KIF26B: variants seen among roughly 807,000 people sequenced by gnomAD.
KIF26B encodes kinesin-like protein KIF26B.
A neutral mutation model predicts 151.2 loss-of-function variants in KIF26B; 63 were observed. The ratio of observed to expected loss-of-function variants is 0.42; its 90% confidence interval spans 0.34 to 0.51. The LOEUF is 0.51. Ranked by LOEUF, KIF26B falls within the 20% of genes least tolerant of loss-of-function variation. KIF26B has a pLI of 0.07. For synonymous variants in KIF26B, 1,357 were observed against 1,262.1 expected (o/e 1.08, Z -1.59); for missense variants, 2,813 against 2,913.6 (o/e 0.97, Z 0.79).
chr1:245,290,991 A>G (rs925560906), intron 2 of KIF26B, among the ~76,000 whole-genome samples: 8 of 152,152 alleles, frequency 5.3e-5, no homozygotes, highest in Non-Finnish European at 8.8e-5. Context: ...TGGGTGTTCT[A>G]AGTAGGCCTC....
rs997844492 is a variant in KIF26B at position 245,564,318 on chromosome 1, A to G, written c.1350+23368A>G. On this transcript the variant is annotated intron_variant, in intron 5 of 14. Transcript: ENST00000407071. The surrounding 1 kb of genome is among the most constrained non-coding windows in gnomAD (Gnocchi z 4.6). Reference sequence around the variant, plus strand: ...GCAGAATGCTCTTCAGTTTGTTCCTATCTCTGCCGGGATCTATATGTTCTG... The same window carrying G: ...GCAGAATGCTCTTCAGTTTGTTCCTGTCTCTGCCGGGATCTATATGTTCTG... Among the ~76,000 whole-genome samples the G allele has an allele frequency of 1.3e-5, 2 of 152,116 alleles. No individual in the cohort carries two copies. Among genetic ancestry groups the G allele is most frequent in the Admixed American group, 6.5e-5 (1 of 15,268 alleles).
intron 5 of KIF26B, among the ~76,000 whole-genome samples, chr1:245,584,797 C>T (rs2043207447): frequency 6.6e-6 from 1 of 152,108 alleles, no homozygotes; most frequent in Non-Finnish European, 1.5e-5. Context: ...AAGAAAAATT[C>T]TTTAGCCTAT....
At chr1:245,185,644 A>G (rs1404148749) in intron 2 of KIF26B, among the ~76,000 whole-genome samples, 2 of 152,172 alleles carry the variant, frequency 1.3e-5, no homozygotes, top group African/African-American at 2.4e-5. Context: ...CTGGCAATTT[A>G]CAGACCAGCT....
intron 2 of KIF26B, among the ~76,000 whole-genome samples, chr1:245,263,911 A>AGCTTTCTCAC (rs1159782750): frequency 6.6e-6 from 1 of 152,238 alleles, no homozygotes; most frequent in Non-Finnish European, 1.5e-5. Context: ...GTGTCTGCTT[A>AGCTTTCTCAC]GCTTTCTCAC....
chr1:245,304,901 C>T (rs76431419), intron 2 of KIF26B, among the ~76,000 whole-genome samples: 27 of 152,062 alleles, frequency 1.8e-4, no homozygotes, highest in African/African-American at 4.8e-4. Flanking sequence ...TGAGAGGTCT[C>T]AGTGCAGAAA....
At chr1:245,635,156 T>C (rs2043821872) in intron 9 of KIF26B, among the ~76,000 whole-genome samples, 1 of 151,100 alleles carries the variant, frequency 6.6e-6, no homozygotes, top group Non-Finnish European at 1.5e-5. Context: ...ATTAGTATAG[T>C]ATAGCTTGGG....
intron 2 of KIF26B, among the ~76,000 whole-genome samples, chr1:245,195,390 G>C (rs775189677): frequency 5.9e-5 from 9 of 152,170 alleles, no homozygotes; most frequent in Non-Finnish European, 1.2e-4. Flanking sequence ...AATAGGAGGC[G>C]TGTCGTGATG....
chr1:245,472,937 G>A (rs759690482), intron 4 of KIF26B, among the ~76,000 whole-genome samples: 5 of 152,250 alleles, frequency 3.3e-5, no homozygotes, highest in Non-Finnish European at 5.9e-5. Flanking sequence ...AGAGGTAGGT[G>A]TGCAAGAATT....
rs979060548 is a variant in KIF26B, at chr1:245,546,211, G to GT, written c.1350+5269dup. On this transcript the variant is annotated intron_variant, in intron 5 of 14. Transcript: ENST00000407071. ...TTTTTGTTTGTTTGGTTTTGGTTTT[G>GT]TTTTTTTTGTTTTTTGTTTTTTGAG... Among the ~76,000 whole-genome samples, 397 of 151,502 alleles carry GT rather than the reference G, an allele frequency of 2.6e-3. 2 individuals carry two copies. Among genetic ancestry groups the GT allele is most frequent in the East Asian group, 8.9e-3 (46 of 5,150 alleles).
rs1281053600 is a variant in KIF26B, at chr1:245,186,732, A to T, written c.465+30049A>T. On this transcript the variant is annotated intron_variant, in intron 2 of 14. Coordinates refer to ENST00000407071, the MANE Select transcript of KIF26B (RefSeq NM_018012.4). ...TTCAGACAGAATCAAATGAAATAGC[A>T]GAAGTGTTTTGTCAATTAAAGTGAC... 2.0e-5 allele frequency among the ~76,000 whole-genome samples: 3 copies of T among 152,368 alleles called. No homozygotes were observed. The East Asian group carries it at 5.8e-4, about 29-fold the overall frequency.
At chr1:245,206,909 A>C (rs1669416789) in intron 2 of KIF26B, 1 of 152,244 alleles carries the variant, frequency 6.6e-6, no homozygotes, top group Non-Finnish European at 1.5e-5. Context: ...TGTGGAAAAT[A>C]CAGAAAGATT....
chr1:245,565,361 T>G (rs1476627050), intron 5 of KIF26B, among the ~76,000 whole-genome samples: 1 of 151,626 alleles, frequency 6.6e-6, no homozygotes, highest in Non-Finnish European at 1.5e-5. Context: ...CCATCTCAGC[T>G]CACTGCAACC....
intron 10 of KIF26B, among the ~76,000 whole-genome samples, chr1:245,669,232 G>C (rs2044253441): frequency 6.6e-6 from 1 of 152,164 alleles, no homozygotes. Context: ...GGAATCATGG[G>C]CCACTCTCAT....
At chr1:245,452,650 G>C (rs1659423930) in intron 4 of KIF26B, among the ~76,000 whole-genome samples, 1 of 151,904 alleles carries the variant, frequency 6.6e-6, no homozygotes, top group Non-Finnish European at 1.5e-5. Context: ...TATTAGATAT[G>C]AGGTGGTATG....
In KIF26B at chr1:245,594,155, A is replaced by C. The variant is rs570409479; in HGVS notation, c.1351-8422A>C. On this transcript the variant is annotated intron_variant, in intron 5 of 14. Transcript: ENST00000407071. ...CTGATGATAGTTTCTTTTGCTGTGC[A>C]GAAGCTCTTAGTTTAATTAGATCCC... 7.2e-5 allele frequency among the ~76,000 whole-genome samples: 11 copies of C among 152,296 alleles called. No homozygotes were observed. In the East Asian group the frequency reaches 1.9e-3, roughly 27 times the overall value.
intron 9 of KIF26B, among the ~76,000 whole-genome samples, chr1:245,622,410 A>C (rs2043673534): frequency 6.6e-6 from 1 of 152,190 alleles, no homozygotes; most frequent in Admixed American, 6.5e-5. Context: ...GATTAGCCTT[A>C]GGACAGTGGT....
chr1:245,652,482 C>T (rs946489713), intron 10 of KIF26B, among the ~76,000 whole-genome samples: 4 of 152,140 alleles, frequency 2.6e-5, no homozygotes, highest in Non-Finnish European at 5.9e-5. Flanking sequence ...TATTTTTCCC[C>T]CTTAGCTCTG....
chr1:245,590,569 C>G (rs562206155), intron 5 of KIF26B, among the ~76,000 whole-genome samples: 2 of 152,096 alleles, frequency 1.3e-5, no homozygotes, highest in Non-Finnish European at 2.9e-5. Flanking sequence ...GGCAGAAGAG[C>G]GTGGTGGAAG....
At chr1:245,550,803 T>G (rs1017356868) in intron 5 of KIF26B, among the ~76,000 whole-genome samples, 4 of 152,208 alleles carry the variant, frequency 2.6e-5, no homozygotes, top group African/African-American at 9.6e-5. Context: ...AAGCTCTTTT[T>G]TTGTGAGCCT....
Sources: allele counts gnomAD v4.1 joint callset (sites outside exome capture counted in the v4.1 genomes callset), GRCh38; gene constraint gnomAD v4.1.1; non-coding constraint Gnocchi (gnomAD v3.1); transcripts MANE v1.5; gene names NCBI Gene and HGNC (gene_info 2026-07-23, HGNC 2026-07-21).